Variants in TMEM132A observed in about 807,000 individuals in gnomAD.
TMEM132A encodes the protein transmembrane protein 132A, also known as GRP78-binding protein.
Under a neutral mutation model 69.9 loss-of-function variants are expected in TMEM132A, and 48 were observed. The observed-to-expected ratio is 0.69, with a 90% CI of 0.55 to 0.87. TMEM132A has a LOEUF of 0.87. TMEM132A is among the 40% of genes least tolerant of loss of function. The probability of loss-of-function intolerance (pLI) is 0.00; values close to 1 mark genes in which losing one functional copy is unlikely to be tolerated. For missense variants in TMEM132A, 1,287 were observed against 1,407.2 expected, an observed-to-expected ratio of 0.91 and a Z score of 1.37; for synonymous variants, 577 against 613.7, an observed-to-expected ratio of 0.94 and a Z score of 0.88.
intron 5 of TMEM132A, among the ~76,000 whole-genome samples, 188 bp from the exon 6 acceptor site, chr11:60,931,501 G>A (rs1192329867): frequency 6.6e-6 from 1 of 152,214 alleles, no homozygotes; most frequent in Non-Finnish European, 1.5e-5. Context: ...TTGGGGTCTA[G>A]AGCGAGGATG....
At position 60,924,746 on chromosome 11, in the gene TMEM132A, G is replaced by A; in HGVS notation, c.100+13G>A. ...GACGTCGTGAGAGGTCAGCGGGAGGGGAGGGCCGGGGCGAGGGGCGGCCGG... is the reference window on the plus strand; with the variant it reads ...GACGTCGTGAGAGGTCAGCGGGAGGAGAGGGCCGGGGCGAGGGGCGGCCGG... On this transcript the variant is annotated intron_variant, in intron 1 of 10. Transcript: ENST00000453848. The A allele has an allele frequency of 6.6e-7, 1 of 1,525,380 alleles. No individual in the cohort carries two copies. The allele number at this position is 1,525,380 out of a possible 1,614,324, so 94.5% of individuals were successfully genotyped here.
chr11:60,929,928 G>T (rs898356618), intron 4 of TMEM132A, among the ~76,000 whole-genome samples: 1 of 152,204 alleles, frequency 6.6e-6, no homozygotes, highest in African/African-American at 2.4e-5. Context: ...AAGGGAGCTG[G>T]ATGGGCATGA....
intron 9 of TMEM132A, 104 bp downstream of exon 9, chr11:60,934,868 GT>G: frequency 7.9e-7 from 1 of 1,273,356 alleles, no homozygotes; most frequent in Non-Finnish European, 1.1e-6. Context: ...CCCAGAGTGT[GT>G]GGGGGAGTTG....
At position 60,928,797 on chromosome 11, in the gene TMEM132A, G is replaced by C. The variant is rs754688460; in HGVS notation, c.703G>C (p.Gly235Arg). The part of the protein sequence containing the change: ...NDPGEQALPV[G>R]GVELRPADPP... ...CCCTGGGGAGCAGGCCCTCCCAGTG[G>C]GGGGTGTGGAGCTGCGCCCAGCAGA... Residue 235 changes from glycine to arginine, a missense_variant, in exon 4 of 11, where the codon GGG (glycine) becomes CGG (arginine). Transcript: ENST00000453848. The C allele has an allele frequency of 8.1e-6, 13 of 1,610,758 alleles. No homozygotes were observed. In the East Asian group the frequency reaches 2.2e-4, roughly 28 times the overall value.
intron 4 of TMEM132A, among the ~76,000 whole-genome samples, chr11:60,929,655 C>T (rs370726986): frequency 1.2e-3 from 179 of 152,292 alleles, no homozygotes; most frequent in African/African-American, 4.0e-3. Flanking sequence ...GACTTGCTCA[C>T]TTTGTAATGA....
chr11:60,932,422 T>G, intron 7 of TMEM132A: 1 of 288,716 alleles, frequency 3.5e-6, no homozygotes, highest in Non-Finnish European at 6.4e-6. Flanking sequence ...AAGTTTTAGT[T>G]TGAAACACAT....
At position 60,934,470 on chromosome 11, in the gene TMEM132A, G is replaced by C; in HGVS notation, c.1560-18G>C. ...CCGCTCAGCGCTGACGGCCAGTCCCGGCCTCCCCGCCCTGCAGGCCTGCGG... is the reference window on the plus strand; with the variant it reads ...CCGCTCAGCGCTGACGGCCAGTCCCCGCCTCCCCGCCCTGCAGGCCTGCGG... On this transcript the variant is annotated intron_variant, in intron 8 of 10. Coordinates refer to ENST00000453848, the MANE Select transcript of TMEM132A (RefSeq NM_178031.3). The C allele has an allele frequency of 2.2e-6, 3 of 1,365,334 alleles. No individual in the cohort carries two copies. Among genetic ancestry groups the C allele is most frequent in the Non-Finnish European group, 2.8e-6 (3 of 1,065,502 alleles). 84.6% of individuals were successfully genotyped at this position (1,365,334 alleles called of 1,614,324 possible). A position where few individuals can be genotyped will look rare whatever the true frequency, so the allele number is the denominator to read the frequency against.
In TMEM132A at chr11:60,935,815, A is replaced by C. The variant is rs1238018258; in HGVS notation, c.2029-49A>C. On this transcript the variant is annotated intron_variant, in intron 10 of 10. Coordinates refer to ENST00000453848, the MANE Select transcript of TMEM132A (RefSeq NM_178031.3). This position sits in a 1 kb window ranked among gnomAD's most constrained non-coding sequence, Gnocchi z 5.0. ...CTCTGTGGGAGTGGTTTCTCTGTGC[A>C]TGCGTGCGTGCCCTCGCATGTCTCT... 1.9e-6 allele frequency: 3 copies of C among 1,592,988 alleles called. No individual in the cohort carries two copies. Among genetic ancestry groups the C allele is most frequent in the African/African-American group, 1.3e-5 (1 of 74,228 alleles).
Position 60,935,463 on chromosome 11 carries a change from G to A in TMEM132A, c.2028+20G>A. 1 of 1,581,132 alleles carries A rather than the reference G, an allele frequency of 6.3e-7. No homozygotes were observed. Among genetic ancestry groups the A allele is most frequent in the Non-Finnish European group, 8.6e-7 (1 of 1,163,064 alleles). On this transcript the variant is annotated intron_variant, in intron 10 of 10. Transcript: ENST00000453848. This position sits in a 1 kb window ranked among gnomAD's most constrained non-coding sequence, Gnocchi z 5.0. ...AAGCAGGTGACAGTTGGGGGGTCAG[G>A]GGGATGAGGTCAACATCTCCAGATG...
rs143645203 is a variant in TMEM132A at position 60,936,790 on chromosome 11, T to G, written c.2955T>G (p.Ala985=). 1.2e-6 allele frequency: 2 copies of G among 1,613,306 alleles called. No homozygotes were observed. Among genetic ancestry groups the G allele is most frequent in the African/African-American group, 2.7e-5 (2 of 74,904 alleles). ...QSPEEPVGAP[A]VQSILVAGEE... ...CTGAGGAGCCTGTAGGGGCCCCTGCTGTGCAGTCCATCCTTGTGGCAGGCG... is the reference window on the plus strand; with the variant it reads ...CTGAGGAGCCTGTAGGGGCCCCTGCGGTGCAGTCCATCCTTGTGGCAGGCG... The change falls in exon 11 of 11, where the codon GCT becomes GCG. Residue 985 remains alanine (A), a synonymous_variant. Transcript: ENST00000453848.
chr11:60,927,831 G>C lies in TMEM132A; in HGVS notation c.506G>C (p.Gly169Ala). The change falls in exon 3 of 11, where the codon GGC (glycine) becomes GCC (alanine). Residue 169 changes from glycine (G) to alanine (A), a missense_variant. Transcript: ENST00000453848. Reference protein sequence around the residue: ...CARLHATHPAGTAHQACRFQP... With the variant: ...CARLHATHPAATAHQACRFQP... ...CGGCTCCATGCCACACACCCTGCCG[G>C]CACTGCTCACCAAGCCTGCCGCTTC... 1 of 1,610,834 alleles carries C rather than the reference G, an allele frequency of 6.2e-7. No individual in the cohort carries two copies. The highest frequency in any genetic ancestry group is 2.2e-5 in the East Asian group (1 of 44,878).
intron 4 of TMEM132A, among the ~76,000 whole-genome samples, chr11:60,929,968 G>T (rs1202612097): frequency 6.6e-6 from 1 of 152,238 alleles, no homozygotes; most frequent in African/African-American, 2.4e-5. Flanking sequence ...GGGTGTGTAA[G>T]CACTGAGGGA....
intron 1 of TMEM132A, among the ~76,000 whole-genome samples, chr11:60,926,273 G>A (rs1856344777): frequency 1.3e-5 from 2 of 152,120 alleles, no homozygotes; most frequent in South Asian, 4.1e-4. Flanking sequence ...ATGGTCTAGT[G>A]GCTAATACCT....
At position 60,927,317 on chromosome 11, in the gene TMEM132A, T is replaced by A; in HGVS notation, c.214T>A (p.Ser72Thr). The A allele has an allele frequency of 6.2e-7, 1 of 1,613,252 alleles. No individual in the cohort carries two copies. The highest frequency in any genetic ancestry group is 8.5e-7 in the Non-Finnish European group (1 of 1,179,920). The change falls in exon 2 of 11, where the codon TCC (serine) becomes ACC (threonine). Residue 72 changes from serine to threonine, a missense_variant. Physicochemically the swap from Ser to Thr is moderately conservative, Grantham distance 58. Transcript: ENST00000453848. ...GGTGGGCCACTACCCACCTGCCAAC[T>A]CCTCTCTGAGCTCCCGATCTGAGAC... ...QQVGHYPPAN[S>T]SLSSRSETFL...
rs748590170 is a variant in TMEM132A, at chr11:60,935,280, T to C, written c.1865T>C (p.Leu622Pro). Residue 622 changes from leucine (L) to proline (P), a missense_variant, in exon 10 of 11, where the codon CTG becomes CCG. Physicochemically the swap from Leu to Pro is moderately conservative, Grantham distance 98 (BLOSUM62 -3). Coordinates refer to ENST00000453848, the MANE Select transcript of TMEM132A (RefSeq NM_178031.3). The surrounding 1 kb of genome is among the most constrained non-coding windows in gnomAD (Gnocchi z 5.0). ...EVRSPLSDSI[L>P]GEQALAVTDD... ...CGTTCCCCACTGTCTGACTCCATCC[T>C]GGGGGAGCAGGCGCTGGCTGTGACG... 6 of 1,611,960 alleles carry C rather than the reference T, an allele frequency of 3.7e-6. No homozygotes were observed. The highest frequency in any genetic ancestry group is 1.3e-5 in the African/African-American group (1 of 74,872).
chr11:60,935,509 A>G lies in TMEM132A; in HGVS notation c.2028+66A>G. 6.7e-7 allele frequency: 1 copy of G among 1,492,470 alleles called. No individual in the cohort carries two copies. The highest frequency in any genetic ancestry group is 1.3e-5 in the South Asian group (1 of 78,732). The allele number at this position is 1,492,470 out of a possible 1,614,324, so 92.5% of individuals were successfully genotyped here. Reference sequence around the variant, plus strand: ...AGATGGGGGCTCATGGTAGAGGGGAATGGGAGGAAGGGACCCTGGTACCTC... The same window carrying G: ...AGATGGGGGCTCATGGTAGAGGGGAGTGGGAGGAAGGGACCCTGGTACCTC... On this transcript the variant is annotated intron_variant, in intron 10 of 10. Coordinates refer to ENST00000453848, the MANE Select transcript of TMEM132A (RefSeq NM_178031.3). This position sits in a 1 kb window ranked among gnomAD's most constrained non-coding sequence, Gnocchi z 5.0.
At position 60,936,197 on chromosome 11, in the gene TMEM132A, G is replaced by A; in HGVS notation, c.2362G>A (p.Glu788Lys). Reference protein sequence around the residue: ...SSPAWSPPATEATMGGKRQVA... With the variant: ...SSPAWSPPATKATMGGKRQVA... ...CCCTGCTTGGAGCCCACCAGCCACA[G>A]AAGCCACCATGGGTGGTAAACGGCA... Residue 788 changes from glutamate to lysine, a missense_variant, in exon 11 of 11, where the codon GAA becomes AAA. Coordinates refer to ENST00000453848, the MANE Select transcript of TMEM132A (RefSeq NM_178031.3). The A allele has an allele frequency of 6.2e-7, 1 of 1,614,076 alleles. No individual in the cohort carries two copies.
chr11:60,929,646 ACT>A (rs1216717011), intron 4 of TMEM132A, among the ~76,000 whole-genome samples: 1 of 152,142 alleles, frequency 6.6e-6, no homozygotes, highest in Non-Finnish European at 1.5e-5. Flanking sequence ...AGGCACTGGG[ACT>A]TGCTCACTTT....
rs892780621 is a variant in TMEM132A, at chr11:60,924,470, C to T, written c.-164C>T. On this transcript the variant is annotated 5_prime_UTR_variant, in exon 1 of 11. Coordinates refer to ENST00000453848, the MANE Select transcript of TMEM132A (RefSeq NM_178031.3). ...GCTCCCTCCCACCCCACTGCTCCCGCTCCATTGTCTGGGAATTGCAGCCGC... is the reference window on the plus strand; with the variant it reads ...GCTCCCTCCCACCCCACTGCTCCCGTTCCATTGTCTGGGAATTGCAGCCGC... The T allele has an allele frequency of 3.1e-5, 13 of 414,102 alleles. No individual in the cohort carries two copies. In the East Asian group the frequency reaches 5.6e-4, roughly 18 times the overall value. 25.7% of individuals were successfully genotyped at this position (414,102 alleles called of 1,614,324 possible). A position where few individuals can be genotyped will look rare whatever the true frequency, so the allele number is the denominator to read the frequency against.
Sources: allele counts gnomAD v4.1 joint callset (sites outside exome capture counted in the v4.1 genomes callset), GRCh38; gene constraint gnomAD v4.1.1; non-coding constraint Gnocchi (gnomAD v3.1); transcripts MANE v1.5; gene names NCBI Gene and HGNC (gene_info 2026-07-23, HGNC 2026-07-21).